Variants in RP1 observed in about 807,000 individuals in gnomAD.
The protein encoded by RP1 is oxygen-regulated protein 1.
RP1 carries 16 observed loss-of-function variants against 14.8 expected under a neutral mutation model. That is an observed-to-expected ratio of 1.08 (90% CI 0.73 to 1.65). RP1 has a LOEUF of 1.65. Among genes scored for constraint, RP1 ranks in the 40% most tolerant of loss-of-function variants. The pLI, the probability that RP1 is intolerant of heterozygous loss-of-function variation, is 0.00. For synonymous variants in RP1, 876 were observed against 883.6 expected (o/e 0.99, Z 0.15); for missense variants, 2,631 against 2,535.0 (o/e 1.04, Z -0.81).
At chr8:54,701,693 T>C (rs929074001) in intron 14 of RP1, 4 of 1,523,326 alleles carry the variant, frequency 2.6e-6, no homozygotes, top group Non-Finnish European at 3.5e-6. Flanking sequence ...AAAGTTTATA[T>C]TGCTAAATCC....
At chr8:54,668,651 C>T (rs1346018390) in intron 7 of RP1, among the ~76,000 whole-genome samples, 3 of 152,278 alleles carry the variant, frequency 2.0e-5, no homozygotes, top group Admixed American at 1.3e-4. Flanking sequence ...GTAACCAAAA[C>T]AGCATGGTAC....
chr8:54,776,952 T>C (rs1407742420), intron 23 of RP1, among the ~76,000 whole-genome samples: 1 of 152,196 alleles, frequency 6.6e-6, no homozygotes, highest in Admixed American at 6.5e-5. Flanking sequence ...TGTTGAGTGC[T>C]CTGGTTAGCA....
chr8:54,674,922 A>T (rs527943569), intron 8 of RP1, among the ~76,000 whole-genome samples: 1 of 152,138 alleles, frequency 6.6e-6, no homozygotes, highest in Non-Finnish European at 1.5e-5. Flanking sequence ...ATCCATAGTA[A>T]ATATTAAGTC....
At position 54,629,491 on chromosome 8, in the gene RP1, C is replaced by T. The variant is rs1422272166; in HGVS notation, c.5609C>T (p.Ser1870Phe). Residue 1870 changes from serine (S) to phenylalanine (F), a missense_variant, in exon 4 of 4, where the codon TCC (serine) becomes TTC (phenylalanine). Physicochemically the swap from Ser to Phe is radical, Grantham distance 155. Coordinates refer to ENST00000220676, the MANE Select transcript of RP1 (RefSeq NM_006269.2). ...AGAGTATGCACATCTGTCACTCATT[C>T]CTTTATTTCTGCTGGTAACAAAGTC... is the stretch of plus-strand genomic sequence containing the variant. Reference protein sequence around the residue: ...SERVCTSVTHSFISAGNKVYP... With the variant: ...SERVCTSVTHFFISAGNKVYP... 2 of 1,613,992 alleles carry T rather than the reference C, an allele frequency of 1.2e-6. No individual in the cohort carries two copies. The highest frequency in any genetic ancestry group is 1.7e-6 in the Non-Finnish European group (2 of 1,180,014).
At chr8:54,704,766 A>G (rs914599263) in intron 14 of RP1, among the ~76,000 whole-genome samples, 1 of 152,190 alleles carries the variant, frequency 6.6e-6, no homozygotes, top group Non-Finnish European at 1.5e-5. Flanking sequence ...ATTTTAACTC[A>G]TACATCTCAT....
chr8:54,744,699 T>C (rs1563364136), intron 19 of RP1, among the ~76,000 whole-genome samples: 1 of 152,222 alleles, frequency 6.6e-6, no homozygotes, highest in East Asian at 1.9e-4. Context: ...ATTTCTTCCC[T>C]CAGTATTTCA....
intron 28 of RP1, among the ~76,000 whole-genome samples, chr8:54,869,021 G>A (rs1812520791): frequency 6.6e-6 from 1 of 152,116 alleles, no homozygotes; most frequent in South Asian, 2.1e-4. Flanking sequence ...CAAGGAATAG[G>A]CTTCATGGTA....
At chr8:54,710,642 A>G (rs1380262847) in intron 15 of RP1, among the ~76,000 whole-genome samples, 3 of 152,200 alleles carry the variant, frequency 2.0e-5, no homozygotes, top group Non-Finnish European at 4.4e-5. Flanking sequence ...TTTATTGAGC[A>G]ATGAAAGTCG....
intron 3 of RP1, among the ~76,000 whole-genome samples, chr8:54,638,224 G>A (rs924276617): frequency 6.6e-6 from 1 of 152,096 alleles, no homozygotes; most frequent in Non-Finnish European, 1.5e-5. Flanking sequence ...GATTGCCTGA[G>A]CTTGTGAGTT....
At chr8:54,783,493 T>A in intron 23 of RP1, 1 of 890,454 alleles carries the variant, frequency 1.1e-6, no homozygotes, top group East Asian at 3.3e-5. Context: ...ATTTTCCTAA[T>A]ATTAATGTGT....
At chr8:54,848,324 T>A (rs997840743) in intron 25 of RP1, among the ~76,000 whole-genome samples, 7 of 152,310 alleles carry the variant, frequency 4.6e-5, no homozygotes, top group African/African-American at 1.7e-4. Flanking sequence ...CCTCCTCCTA[T>A]CCTGTTCTTC....
Position 54,629,734 on chromosome 8 carries a change from T to C in RP1, c.5852T>C (p.Leu1951Ser). 1 of 1,611,814 alleles carries C rather than the reference T, an allele frequency of 6.2e-7. No individual in the cohort carries two copies. The highest frequency in any genetic ancestry group is 8.5e-7 in the Non-Finnish European group (1 of 1,178,872). Residue 1951 changes from leucine (L) to serine (S), a missense_variant, in exon 4 of 4, where the codon TTA becomes TCA. Leu to Ser is a moderately radical substitution (Grantham distance 145, BLOSUM62 -2). Transcript: ENST00000220676. ...SDIENFLGFY[L>S]WMKIHPYLLQ... ...ATTGAAAATTTCTTGGGTTTTTATTTATGGATGAAAATACACCCATATTTA... is the reference window on the plus strand; with the variant it reads ...ATTGAAAATTTCTTGGGTTTTTATTCATGGATGAAAATACACCCATATTTA...
intron 1 of RP1, among the ~76,000 whole-genome samples, chr8:54,567,800 C>G (rs1412608251): frequency 1.3e-5 from 2 of 152,228 alleles, no homozygotes; most frequent in East Asian, 3.9e-4. Context: ...CAGGCTTTGC[C>G]TATACATCCA....
At chr8:54,642,436 G>A (rs1309855737) in intron 3 of RP1, among the ~76,000 whole-genome samples, 1 of 152,014 alleles carries the variant, frequency 6.6e-6, no homozygotes, top group African/African-American at 2.4e-5. Context: ...TATTTATAAA[G>A]GTATCTTAAG....
chr8:54,761,147 G>C (rs1050203847), intron 22 of RP1, among the ~76,000 whole-genome samples: 9 of 151,686 alleles, frequency 5.9e-5, no homozygotes, highest in Non-Finnish European at 1.0e-4. Flanking sequence ...AAATCTTCTG[G>C]TGGGTAATTT....
chr8:54,668,332 C>G (rs983346748), intron 7 of RP1, among the ~76,000 whole-genome samples: 10 of 152,146 alleles, frequency 6.6e-5, no homozygotes, highest in Admixed American at 1.3e-4. Context: ...TGTGAAGGAC[C>G]TCTTCAAGAA....
intron 24 of RP1, among the ~76,000 whole-genome samples, chr8:54,797,076 T>G (rs1810594903): frequency 6.6e-6 from 1 of 152,002 alleles, no homozygotes; most frequent in Non-Finnish European, 1.5e-5. Context: ...GTGTAAAGAG[T>G]AGACTCCTTT....
chr8:54,633,737 C>CTCTATATATATATATA (rs1236298691), downstream of RP1, among the ~76,000 whole-genome samples: 7 of 118,806 alleles, frequency 5.9e-5, no homozygotes, highest in African/African-American at 2.0e-4. Context: ...CTCTCTCTCT[C>CTCTATATATATATATA]TATATATATA....
intron 4 of RP1, among the ~76,000 whole-genome samples, chr8:54,651,572 T>G (rs1484839566): frequency 5.3e-5 from 8 of 152,178 alleles, no homozygotes; most frequent in Admixed American, 1.3e-4. Flanking sequence ...TAGCATTCTT[T>G]TATAATCCTT....
Sources: allele counts gnomAD v4.1 joint callset (sites outside exome capture counted in the v4.1 genomes callset), GRCh38; gene constraint gnomAD v4.1.1; transcripts MANE v1.5; gene names NCBI Gene and HGNC (gene_info 2026-07-23, HGNC 2026-07-21).